The following ABCA13 variants were observed in gnomAD, a reference collection of about 807,000 sequenced individuals.
ABCA13 encodes the protein ATP binding cassette subfamily A member 13, also known as ATP-binding cassette sub-family A member 13.
A neutral mutation model predicts 478.7 loss-of-function variants in ABCA13; 476 were observed. That is an observed-to-expected ratio of 0.99 (90% CI 0.92 to 1.07). The LOEUF (loss-of-function observed/expected upper bound fraction) is 1.07. Ranked by LOEUF, ABCA13 falls within the 50% of genes least tolerant of loss-of-function variation. ABCA13 has a pLI of 0.00. For synonymous variants in ABCA13, 2,252 were observed against 2,158.9 expected, an observed-to-expected ratio of 1.04 and a Z score of -1.20; for missense variants, 6,060 against 5,910.6, an observed-to-expected ratio of 1.03 and a Z score of -0.83.
chr7:48,273,734 T>C lies in ABCA13; in HGVS notation c.4068T>C (p.Cys1356=). The change falls in exon 17 of 62, where the codon TGT becomes TGC. Residue 1356 remains cysteine (C), a synonymous_variant. Coordinates refer to ENST00000435803, the MANE Select transcript of ABCA13 (RefSeq NM_152701.5). ...CADIFQNVTE[C]ILEDGFLYVN... ...ATATTTTCCAAAATGTTACTGAGTG[T>C]ATTTTAGAAGATGGCTTTTTATATG... 1 of 1,609,966 alleles carries C rather than the reference T, an allele frequency of 6.2e-7. No individual in the cohort carries two copies. Among genetic ancestry groups the C allele is most frequent in the South Asian group, 1.1e-5 (1 of 90,568 alleles).
At chr7:48,289,595 G>A (rs1249522884) in intron 20 of ABCA13, among the ~76,000 whole-genome samples, 3 of 151,980 alleles carry the variant, frequency 2.0e-5, no homozygotes, top group East Asian at 1.9e-4. Context: ...TCCTGATCTC[G>A]TGATCTGCCC....
chr7:48,509,141 C>T (rs1262285758), intron 50 of ABCA13, among the ~76,000 whole-genome samples: 1 of 152,134 alleles, frequency 6.6e-6, no homozygotes, highest in Non-Finnish European at 1.5e-5. Flanking sequence ...ACTAGGTACT[C>T]AAGGTGATTT....
rs763756385 is a variant in ABCA13 at position 48,644,609 on chromosome 7, G to A, written c.14944-8G>A. On this transcript the variant is annotated splice_polypyrimidine_tract_variant and splice_region_variant and intron_variant, in intron 60 of 61. Transcript: ENST00000435803. ...TGATACTTTTTTTTTTTTTTTTTTT[G>A]CTTTTAGGGACAGCACCTGAATTTA... 11 of 950,774 alleles carry A rather than the reference G, an allele frequency of 1.2e-5. No individual in the cohort carries two copies. Among genetic ancestry groups the A allele is most frequent in the Middle Eastern group, 3.7e-4 (1 of 2,724 alleles). The allele number at this position is 950,774 out of a possible 1,614,324, so 58.9% of individuals were successfully genotyped here.
Position 48,518,144 on chromosome 7 carries a change from T to G in ABCA13, c.13797+1263T>G, listed in dbSNP as rs556600901. 3.3e-5 allele frequency among the ~76,000 whole-genome samples: 5 copies of G among 152,346 alleles called. No individual in the cohort carries two copies. In the East Asian group the frequency reaches 9.6e-4, roughly 29 times the overall value. On this transcript the variant is annotated intron_variant, in intron 52 of 61. Coordinates refer to ENST00000435803, the MANE Select transcript of ABCA13 (RefSeq NM_152701.5). Reference sequence around the variant, plus strand: ...GATTTATATTAATATGTCTACACTTTAAAGAGAAAACTTGCAGAACCATTG... The same window carrying G: ...GATTTATATTAATATGTCTACACTTGAAAGAGAAAACTTGCAGAACCATTG...
At chr7:48,499,881 T>C (rs1435905866) in intron 48 of ABCA13, among the ~76,000 whole-genome samples, 1 of 152,116 alleles carries the variant, frequency 6.6e-6, no homozygotes, top group Non-Finnish European at 1.5e-5. Flanking sequence ...CTACCTAGAG[T>C]ACTGAGTGCT....
Position 48,278,222 on chromosome 7 carries a change from C to A in ABCA13, c.7028C>A (p.Ser2343Ter). Residue 2343 changes from serine to a stop codon, truncating the protein, a stop_gained, in exon 18 of 62, where the codon TCA becomes TAA. Coordinates refer to ENST00000435803, the MANE Select transcript of ABCA13 (RefSeq NM_152701.5). LOFTEE classifies it high-confidence loss of function. ...ACTATATATCACCTAATGAAAAGTT[C>A]ATTTATATTAGACAATGGAGAATTT... is the stretch of plus-strand genomic sequence containing the variant. ...KETIYHLMKSSFILDNGEFYF... is the reference protein window; with the variant it reads ...KETIYHLMKS 6.2e-7 allele frequency: 1 copy of A among 1,605,644 alleles called. No homozygotes were observed. Among genetic ancestry groups the A allele is most frequent in the South Asian group, 1.1e-5 (1 of 89,800 alleles).
chr7:48,566,111 C>T (rs1013161793), intron 55 of ABCA13, among the ~76,000 whole-genome samples: 10 of 152,106 alleles, frequency 6.6e-5, no homozygotes, highest in African/African-American at 1.2e-4. Context: ...CCTACTTTCA[C>T]GGTTTACAGA....
chr7:48,424,346 G>C (rs1202203512), intron 41 of ABCA13, among the ~76,000 whole-genome samples: 1 of 152,204 alleles, frequency 6.6e-6, no homozygotes, highest in Non-Finnish European at 1.5e-5. Flanking sequence ...ACACCTTTCG[G>C]TATAAATAGT....
rs189112751 is a variant in ABCA13 at position 48,214,004 on chromosome 7, G to A, written c.288-5350G>A. Among the ~76,000 whole-genome samples, 24 of 152,248 alleles carry A rather than the reference G, an allele frequency of 1.6e-4. 1 individual carries two copies. Among genetic ancestry groups the A allele is most frequent in the Admixed American group, 1.4e-3 (22 of 15,288 alleles). On this transcript the variant is annotated intron_variant, in intron 3 of 61. Transcript: ENST00000435803. ...CCCACTCAAAATCATCCATAAATTT[G>A]AATCACTATCTATGACTCTATAGCT...
At chr7:48,277,780 A>G (rs575578601) in intron 17 of ABCA13, among the ~76,000 whole-genome samples, 6 of 152,304 alleles carry the variant, frequency 3.9e-5, no homozygotes, top group Non-Finnish European at 7.4e-5. Context: ...CATTGTAGTC[A>G]TTTTACTTTC....
Position 48,273,026 on chromosome 7 carries a change from T to C in ABCA13, c.3360T>C (p.Phe1120=). The change falls in exon 17 of 62, where the codon TTT becomes TTC. Residue 1120 remains phenylalanine (F), a synonymous_variant. Transcript: ENST00000435803. ...ATTCAACAAGTGAGGAGTCTTCATT[T>C]GTTTTTCCATTGGCACAAATTTTTT... The part of the protein sequence containing the change: ...VNYSTSEESS[F]VFPLAQIFSN... 6.2e-7 allele frequency: 1 copy of C among 1,613,750 alleles called. No homozygotes were observed. The highest frequency in any genetic ancestry group is 8.5e-7 in the Non-Finnish European group (1 of 1,179,764).
chr7:48,270,102 A>C (rs1300879437), intron 16 of ABCA13, among the ~76,000 whole-genome samples: 1 of 152,176 alleles, frequency 6.6e-6, no homozygotes, highest in Non-Finnish European at 1.5e-5. Flanking sequence ...CATCATGGAT[A>C]GTGGTAGATA....
Position 48,645,629 on chromosome 7 carries a change from A to T in ABCA13, c.*117A>T, listed in dbSNP as rs1387082516. 1 of 780,730 alleles carries T rather than the reference A, an allele frequency of 1.3e-6. No individual in the cohort carries two copies. Among genetic ancestry groups the T allele is most frequent in the South Asian group, 1.8e-5 (1 of 56,310 alleles). The allele number at this position is 780,730 out of a possible 1,614,324, so 48.4% of individuals were successfully genotyped here. A position where few individuals can be genotyped will look rare whatever the true frequency, so the allele number is the denominator to read the frequency against. On this transcript the variant is annotated 3_prime_UTR_variant, in exon 62 of 62. Transcript: ENST00000435803. ...TGGAACACACTCTCCAGGCCGTCAA[A>T]TTATTCTCTTGTTCATTTTCTATTT...
intron 39 of ABCA13, chr7:48,404,691 T>G (rs1170591944): frequency 1.3e-5 from 2 of 152,308 alleles, no homozygotes; most frequent in Non-Finnish European, 2.9e-5. Flanking sequence ...GAGTCCTTCT[T>G]TTTCTTAGCA....
chr7:48,436,825 CTG>C (rs1378457012), intron 42 of ABCA13, among the ~76,000 whole-genome samples: 1 of 135,098 alleles, frequency 7.4e-6, no homozygotes, highest in Admixed American at 7.4e-5. Flanking sequence ...GTGAATTTTT[CTG>C]TTTTTTTTTT....
chr7:48,582,543 T>G (rs1478907372), intron 56 of ABCA13, among the ~76,000 whole-genome samples: 1 of 152,310 alleles, frequency 6.6e-6, no homozygotes, highest in East Asian at 1.9e-4. Context: ...CCATCTATTT[T>G]CATTGTAACA....
At chr7:48,628,823 A>G (rs1221848766) in intron 59 of ABCA13, among the ~76,000 whole-genome samples, 2 of 152,222 alleles carry the variant, frequency 1.3e-5, no homozygotes, top group Non-Finnish European at 2.9e-5. Flanking sequence ...TAAAATTCCT[A>G]GTACATGGCA....
In ABCA13 at chr7:48,508,048, T is replaced by C. The variant is rs185450826; in HGVS notation, c.13523T>C (p.Met4508Thr). ...MYWFTNFLYD[M>T]LFYLVSVCLC... ...TGGTTCACAAACTTCCTATATGACA[T>C]GGTAGGATTTGGGAATGAGATTCTG... The change falls in exon 50 of 62, where the codon ATG (methionine) becomes ACG (threonine). Residue 4508 changes from methionine to threonine, a missense_variant and splice_region_variant. Transcript: ENST00000435803. The C allele has an allele frequency of 7.4e-6, 12 of 1,613,796 alleles. No individual in the cohort carries two copies. The highest frequency in any genetic ancestry group is 3.3e-4 in the Middle Eastern group (2 of 6,060).
intron 39 of ABCA13, among the ~76,000 whole-genome samples, chr7:48,407,921 G>A (rs1452895932): frequency 6.6e-6 from 1 of 152,140 alleles, no homozygotes; most frequent in Non-Finnish European, 1.5e-5. Context: ...TAGGTTATGT[G>A]CAAATACTAC....
Sources: gnomAD v4.1 joint callset for allele counts (sites outside exome capture counted in the v4.1 genomes callset) on GRCh38, gnomAD v4.1.1 for gene constraint, MANE v1.5 for transcripts, NCBI Gene and HGNC (gene_info 2026-07-23, HGNC 2026-07-21) for gene names.